Variants in CUX2 observed in about 807,000 individuals in gnomAD.
The protein encoded by CUX2 is cut like homeobox 2.
In CUX2, 40 loss-of-function variants were observed where a neutral mutation model predicts 144.8. That is an observed-to-expected ratio of 0.28 (90% CI 0.21 to 0.36). The LOEUF (loss-of-function observed/expected upper bound fraction) is 0.36. Ranked by LOEUF, CUX2 falls within the 10% of genes least tolerant of loss-of-function variation. The probability of loss-of-function intolerance (pLI) is 1.00; values close to 1 mark genes in which losing one functional copy is unlikely to be tolerated. For synonymous variants in CUX2, 827 were observed against 875.6 expected, an observed-to-expected ratio of 0.94 and a Z score of 0.98; for missense variants, 1,615 against 1,994.0, an observed-to-expected ratio of 0.81 and a Z score of 3.62.
intron 3 of CUX2, among the ~76,000 whole-genome samples, chr12:111,262,441 C>G (rs1458200336): frequency 6.7e-6 from 1 of 148,570 alleles, no homozygotes; most frequent in East Asian, 2.0e-4. Flanking sequence ...TGCAGTGGTG[C>G]AATCATAGCT....
intron 1 of CUX2, among the ~76,000 whole-genome samples, chr12:111,161,313 TG>T (rs1877754401): frequency 1.3e-5 from 2 of 152,118 alleles, no homozygotes; most frequent in South Asian, 4.1e-4. Context: ...TCCATAGGGC[TG>T]GGGGATCATG....
At position 111,347,567 on chromosome 12, in the gene CUX2, G is replaced by A. The variant is rs1888860550; in HGVS notation, c.3703G>A (p.Glu1235Lys). 8 of 1,611,468 alleles carry A rather than the reference G, an allele frequency of 5.0e-6. No individual in the cohort carries two copies. The highest frequency in any genetic ancestry group is 5.1e-6 in the Non-Finnish European group (6 of 1,179,122). The change falls in exon 22 of 22, where the codon GAG becomes AAG. Residue 1235 changes from glutamate (E) to lysine (K), a missense_variant. Physicochemically the swap from Glu to Lys is moderately conservative, Grantham distance 56. Coordinates refer to ENST00000261726, the MANE Select transcript of CUX2 (RefSeq NM_015267.4). ...GATGTTGGTGGAGGGGACCCAGGAT[G>A]AGCCAGACCTTGATCCAAGCGGGGG... ...REMLVEGTQDEPDLDPSGGPG... is the reference protein window; with the variant it reads ...REMLVEGTQDKPDLDPSGGPG...
chr12:111,208,552 A>G (rs1305560697), intron 1 of CUX2, among the ~76,000 whole-genome samples: 1 of 152,162 alleles, frequency 6.6e-6, no homozygotes, highest in Non-Finnish European at 1.5e-5. Context: ...CCTCTGAGAA[A>G]ATCCAACCTC....
chr12:111,194,666 C>T (rs1396604056), intron 1 of CUX2, among the ~76,000 whole-genome samples: 1 of 152,358 alleles, frequency 6.6e-6, no homozygotes. Context: ...CTCGTGGGCC[C>T]CTGCCCTCAC....
chr12:111,296,368 T>A lies in CUX2; in HGVS notation c.638-105T>A, dbSNP rs1016982103. ...ATCTCCCTCACTACCCGAGCTCTCA[T>A]TCTGCCTGCTGGGCTTCGCAGAAGG... On this transcript the variant is annotated intron_variant, in intron 7 of 21. Transcript: ENST00000261726. 3.0e-5 allele frequency: 29 copies of A among 960,598 alleles called. No individual in the cohort carries two copies. In the East Asian group the frequency reaches 7.4e-4, roughly 25 times the overall value. 59.5% of individuals were successfully genotyped at this position (960,598 alleles called of 1,614,324 possible).
intron 2 of CUX2, among the ~76,000 whole-genome samples, chr12:111,215,049 G>A (rs1004266533): frequency 3.9e-5 from 6 of 152,204 alleles, no homozygotes; most frequent in African/African-American, 1.4e-4. Flanking sequence ...TAAAAAGGAT[G>A]TGGCACATCA....
At chr12:111,185,139 T>A (rs1879447410) in intron 1 of CUX2, among the ~76,000 whole-genome samples, 1 of 152,258 alleles carries the variant, frequency 6.6e-6, no homozygotes, top group Admixed American at 6.5e-5. Flanking sequence ...ATTCTGCTTC[T>A]GTATTTGCTT....
chr12:111,052,517 C>G (rs1870324950), intron 1 of CUX2, among the ~76,000 whole-genome samples: 1 of 151,798 alleles, frequency 6.6e-6, no homozygotes, highest in African/African-American at 2.4e-5. Flanking sequence ...GTGTGTATGT[C>G]TGCATCTTTG....
At chr12:111,138,324 C>T (rs984676421) in intron 1 of CUX2, among the ~76,000 whole-genome samples, 11 of 143,392 alleles carry the variant, frequency 7.7e-5, no homozygotes, top group East Asian at 2.2e-4. Context: ...ATCCAGCACC[C>T]GGGCGCTGGG....
chr12:111,123,590 C>T (rs1356996394), intron 1 of CUX2, among the ~76,000 whole-genome samples: 6 of 152,026 alleles, frequency 3.9e-5, no homozygotes, highest in Non-Finnish European at 8.8e-5. Flanking sequence ...GGCTGGAATG[C>T]GGTGGCACAG....
intron 1 of CUX2, among the ~76,000 whole-genome samples, chr12:111,067,992 C>G (rs2339708): frequency 0.074 from 11,316 of 152,170 alleles, 1,394 homozygotes; most frequent in African/African-American, 0.26. Context: ...GGCAGCCCAT[C>G]ACGACCCCTC....
chr12:111,335,746 G>A (rs1381449441), intron 19 of CUX2, among the ~76,000 whole-genome samples: 1 of 152,090 alleles, frequency 6.6e-6, no homozygotes, highest in East Asian at 1.9e-4. Context: ...AAAATTAGCT[G>A]CAAACTTCAT....
intron 1 of CUX2, among the ~76,000 whole-genome samples, chr12:111,181,827 CA>C (rs368138171): frequency 6.6e-5 from 10 of 151,462 alleles, no homozygotes; most frequent in African/African-American, 1.7e-4. Flanking sequence ...AGATGCAATA[CA>C]AAAAAAAATT....
chr12:111,322,531 C>G lies in CUX2; in HGVS notation c.2877C>G (p.Leu959=). ...CCTTCATCCGCATGCAGCTGTGGCT[C>G]TCTGACCAGCTCGGCCAGGCAGTGG... ...REPFIRMQLW[L]SDQLGQAVGQ... is the part of the protein sequence containing the mutation. The change falls in exon 18 of 22, where the codon CTC becomes CTG. Residue 959 remains leucine, a synonymous_variant. Transcript: ENST00000261726. The surrounding 1 kb of genome is among the most constrained non-coding windows in gnomAD (Gnocchi z 4.2). 6.2e-7 allele frequency: 1 copy of G among 1,609,682 alleles called. No individual in the cohort carries two copies. The highest frequency in any genetic ancestry group is 1.1e-5 in the South Asian group (1 of 90,216).
chr12:111,094,643 G>A (rs536207375), intron 1 of CUX2, among the ~76,000 whole-genome samples: 8 of 152,272 alleles, frequency 5.3e-5, no homozygotes, highest in South Asian at 2.1e-4. Flanking sequence ...GACTACAGGC[G>A]TGTGCCACCA....
chr12:111,310,102 C>A lies in CUX2; in HGVS notation c.1320C>A (p.Pro440=). ...KDSLGTEQSY[P]SPQQLPPPPG... ...CACTGGGCACGGAGCAGTCCTACCC[C>A]TCCCCTCAGCAGCTCCCACCTCCAC... is the stretch of plus-strand genomic sequence containing the variant. The change falls in exon 15 of 22, where the codon CCC becomes CCA. Residue 440 remains proline, a synonymous_variant. Coordinates refer to ENST00000261726, the MANE Select transcript of CUX2 (RefSeq NM_015267.4). The surrounding 1 kb of genome is among the most constrained non-coding windows in gnomAD (Gnocchi z 7.9). The A allele has an allele frequency of 1.4e-6, 2 of 1,454,240 alleles. No individual in the cohort carries two copies. Among genetic ancestry groups the A allele is most frequent in the Non-Finnish European group, 1.8e-6 (2 of 1,102,976 alleles). The allele number at this position is 1,454,240 out of a possible 1,614,324, so 90.1% of individuals were successfully genotyped here. A position where few individuals can be genotyped will look rare whatever the true frequency, so the allele number is the denominator to read the frequency against.
At chr12:111,248,353 C>G (rs1883382623) in intron 3 of CUX2, among the ~76,000 whole-genome samples, 1 of 152,218 alleles carries the variant, frequency 6.6e-6, no homozygotes, top group African/African-American at 2.4e-5. Flanking sequence ...GGAAGTCTCA[C>G]GTTCCTGCAG....
rs1209461374 is a variant in CUX2 at position 111,348,951 on chromosome 12, A to G, written c.*626A>G. On this transcript the variant is annotated 3_prime_UTR_variant, in exon 22 of 22. Transcript: ENST00000261726. ...AAACTGTGCTAAAAAGAGAAAGTCC[A>G]AAAGACTCTAAACAAAAACCTCGAC... 1.3e-5 allele frequency: 2 copies of G among 152,710 alleles called. No homozygotes were observed. The highest frequency in any genetic ancestry group is 4.8e-5 in the African/African-American group (2 of 41,474). 9.5% of individuals were successfully genotyped at this position (152,710 alleles called of 1,614,324 possible). A position where few individuals can be genotyped will look rare whatever the true frequency, so the allele number is the denominator to read the frequency against.
At chr12:111,308,233 C>T (rs1886697340) in intron 12 of CUX2, 52 bp from the exon 13 acceptor site, 2 of 1,609,782 alleles carry the variant, frequency 1.2e-6, no homozygotes, top group African/African-American at 2.7e-5. Flanking sequence ...AAAGACCTCT[C>T]CTCCAGCCCG....
Sources: allele counts gnomAD v4.1 joint callset (sites outside exome capture counted in the v4.1 genomes callset), GRCh38; gene constraint gnomAD v4.1.1; non-coding constraint Gnocchi (gnomAD v3.1); transcripts MANE v1.5; gene names NCBI Gene and HGNC (gene_info 2026-07-23, HGNC 2026-07-21).